Variants in SPAG17 observed in about 807,000 individuals in gnomAD.
SPAG17 encodes the protein sperm associated antigen 17, also known as sperm-associated antigen 17.
SPAG17 carries 169 observed loss-of-function variants against 273.6 expected under a neutral mutation model. That is an observed-to-expected ratio of 0.62 (90% CI 0.55 to 0.70). SPAG17 has a LOEUF of 0.70. Among genes scored for constraint, SPAG17 ranks in the 30% least tolerant of loss-of-function variants. The probability of loss-of-function intolerance (pLI) is 0.00; values close to 1 mark genes in which losing one functional copy is unlikely to be tolerated. For missense variants in SPAG17, 2,557 were observed against 2,627.8 expected (o/e 0.97, Z 0.59); for synonymous variants, 825 against 873.2 (o/e 0.94, Z 0.97).
At chr1:117,981,448 A>T in intron 42 of SPAG17, 47 bp from the exon 43 acceptor site, 1 of 1,555,014 alleles carries the variant, frequency 6.4e-7, no homozygotes, top group Non-Finnish European at 8.7e-7. Context: ...TTGTAAAATG[A>T]TATAATGACT....
At chr1:118,090,523 A>C (rs1180745711) in intron 10 of SPAG17, among the ~76,000 whole-genome samples, 1 of 152,222 alleles carries the variant, frequency 6.6e-6, no homozygotes, top group East Asian at 1.9e-4. Flanking sequence ...AAGACTAAAA[A>C]TAAATGAAGT....
Position 118,147,597 on chromosome 1 carries a change from T to C in SPAG17, c.315+2946A>G, listed in dbSNP as rs75783124. ...CAGCTACGTCTCTACAGAATTACAT[T>C]AGCACAAATCTAAGCAGCTTTTCAA... On this transcript the variant is annotated intron_variant, in intron 3 of 48. Transcript: ENST00000336338. 7.0e-3 allele frequency among the ~76,000 whole-genome samples: 1,068 copies of C among 152,310 alleles called. 15 individuals carry two copies. Among genetic ancestry groups the C allele is most frequent in the African/African-American group, 0.025 (1,029 of 41,572 alleles).
chr1:117,970,030 C>A, intron 46 of SPAG17, 26 bp downstream of exon 46: 1 of 1,609,784 alleles, frequency 6.2e-7, no homozygotes, highest in Non-Finnish European at 8.5e-7. Flanking sequence ...CGCAAGCACA[C>A]ACAACAGATG....
intron 1 of SPAG17, among the ~76,000 whole-genome samples, chr1:118,155,538 A>G (rs1343006011): frequency 6.6e-6 from 1 of 152,148 alleles, no homozygotes; most frequent in Non-Finnish European, 1.5e-5. Context: ...TGCTAGTATG[A>G]TAGGGCGCCT....
rs372887102 is a variant in SPAG17 at position 118,019,348 on chromosome 1, T to A, written c.4070-3166A>T. 4.6e-5 allele frequency among the ~76,000 whole-genome samples: 7 copies of A among 152,052 alleles called. No homozygotes were observed. The East Asian group carries it at 1.4e-3, about 29-fold the overall frequency. ...GTTAGATATTAAAAAATGTAATAACTGAAATTTAAAAAATTAACATGCAGA... is the reference window on the plus strand; with the variant it reads ...GTTAGATATTAAAAAATGTAATAACAGAAATTTAAAAAATTAACATGCAGA... On this transcript the variant is annotated intron_variant, in intron 28 of 48. Transcript: ENST00000336338.
intron 20 of SPAG17, among the ~76,000 whole-genome samples, chr1:118,048,488 T>C (rs1342012743): frequency 6.6e-6 from 1 of 152,202 alleles, no homozygotes; most frequent in Non-Finnish European, 1.5e-5. Flanking sequence ...CTAAGTTTGT[T>C]TCTCAAAAAG....
intron 1 of SPAG17, among the ~76,000 whole-genome samples, chr1:118,164,341 C>T (rs946718901): frequency 6.6e-6 from 1 of 152,082 alleles, no homozygotes; most frequent in African/African-American, 2.4e-5. Context: ...CCTAACATAA[C>T]AAAACAATCA....
chr1:118,126,383 T>A (rs1396980543), intron 3 of SPAG17, among the ~76,000 whole-genome samples: 2 of 142,396 alleles, frequency 1.4e-5, no homozygotes, highest in African/African-American at 5.2e-5. Context: ...TTTTTTTGTA[T>A]TTTTTTTTTT....
intron 4 of SPAG17, among the ~76,000 whole-genome samples, chr1:118,109,578 A>G (rs1656636062): frequency 6.7e-6 from 1 of 149,700 alleles, no homozygotes; most frequent in South Asian, 2.1e-4. Context: ...TAATAATAAT[A>G]ATAATAATAA....
At chr1:117,977,735 A>G (rs1411918788) in intron 43 of SPAG17, among the ~76,000 whole-genome samples, 1 of 152,162 alleles carries the variant, frequency 6.6e-6, no homozygotes, top group African/African-American at 2.4e-5. Context: ...GGTGTTTCAA[A>G]TAATTTATTT....
At chr1:118,177,093 G>A (rs967218368) in intron 1 of SPAG17, among the ~76,000 whole-genome samples, 1 of 152,130 alleles carries the variant, frequency 6.6e-6, no homozygotes, top group Admixed American at 6.6e-5. Context: ...TATCCATAAA[G>A]TAGAAAGACT....
intron 42 of SPAG17, among the ~76,000 whole-genome samples, chr1:117,982,804 C>T (rs1203585098): frequency 6.6e-6 from 1 of 152,180 alleles, no homozygotes; most frequent in South Asian, 2.1e-4. Flanking sequence ...GCTTAGGTTT[C>T]ACATTCAGTT....
At chr1:117,955,226 G>T (rs1652000515) in intron 48 of SPAG17, 2 of 1,077,768 alleles carry the variant, frequency 1.9e-6, no homozygotes, top group Non-Finnish European at 1.4e-6. Context: ...AAGAAGGAGG[G>T]GTTCCTGTTT....
intron 3 of SPAG17, among the ~76,000 whole-genome samples, chr1:118,140,051 G>T (rs1658584003): frequency 6.6e-6 from 1 of 152,164 alleles, no homozygotes; most frequent in Non-Finnish European, 1.5e-5. Context: ...GTGATTTCCT[G>T]TGCTACCTCA....
chr1:118,170,150 T>G (rs1357387811), intron 1 of SPAG17, among the ~76,000 whole-genome samples: 1 of 152,208 alleles, frequency 6.6e-6, no homozygotes, highest in Non-Finnish European at 1.5e-5. Flanking sequence ...CATACATTTC[T>G]TCATATTTCA....
intron 29 of SPAG17, among the ~76,000 whole-genome samples, chr1:118,013,132 G>A (rs906548443): frequency 6.6e-6 from 1 of 152,146 alleles, no homozygotes; most frequent in African/African-American, 2.4e-5. Context: ...TTTGCTTCTG[G>A]AAAGCTCAAC....
chr1:118,044,295 G>C (rs1480103205), intron 20 of SPAG17, among the ~76,000 whole-genome samples: 2 of 152,034 alleles, frequency 1.3e-5, no homozygotes, highest in Non-Finnish European at 2.9e-5. Flanking sequence ...GACCAGCCTG[G>C]CCAACATGGT....
At chr1:118,148,043 A>G (rs955852844) in intron 3 of SPAG17, among the ~76,000 whole-genome samples, 1 of 152,218 alleles carries the variant, frequency 6.6e-6, no homozygotes, top group South Asian at 2.1e-4. Context: ...CATGGCTGTT[A>G]TATCGTGAGT....
intron 10 of SPAG17, among the ~76,000 whole-genome samples, chr1:118,089,986 A>G (rs1382180869): frequency 6.6e-6 from 1 of 152,146 alleles, no homozygotes; most frequent in African/African-American, 2.4e-5. Flanking sequence ...CCCTTCTACT[A>G]TGACTGTAAG....
Sources: allele counts gnomAD v4.1 joint callset (sites outside exome capture counted in the v4.1 genomes callset), GRCh38; gene constraint gnomAD v4.1.1; transcripts MANE v1.5; gene names NCBI Gene and HGNC (gene_info 2026-07-23, HGNC 2026-07-21).